TMPRSS11B: variants seen among roughly 807,000 people sequenced by gnomAD.
The protein encoded by TMPRSS11B is transmembrane serine protease 11B, also known as transmembrane protease serine 11B.
TMPRSS11B carries 53 observed loss-of-function variants against 44.7 expected under a neutral mutation model. The ratio of observed to expected loss-of-function variants is 1.19; its 90% confidence interval spans 0.95 to 1.49. TMPRSS11B has a LOEUF of 1.49. TMPRSS11B is among the 40% of genes most tolerant of loss of function. TMPRSS11B has a pLI of 0.00. For synonymous variants in TMPRSS11B, 140 were observed against 159.2 expected (o/e 0.88, Z 0.91); for missense variants, 526 against 494.8 (o/e 1.06, Z -0.60).
At chr4:68,245,502 A>C (rs778194870) in intron 1 of TMPRSS11B, 49 bp downstream of exon 1, 23 of 1,600,762 alleles carry the variant, frequency 1.4e-5, no homozygotes, top group Non-Finnish European at 2.0e-5. Flanking sequence ...ACTTAATGGC[A>C]ACTTGCTACA....
At position 68,234,487 on chromosome 4, in the gene TMPRSS11B, C is replaced by T. The variant is rs757463187; in HGVS notation, c.445G>A (p.Val149Ile). The change falls in exon 5 of 10, where the codon GTT (valine) becomes ATT (isoleucine). Residue 149 changes from valine to isoleucine, a missense_variant. Coordinates refer to ENST00000332644, the MANE Select transcript of TMPRSS11B (RefSeq NM_182502.3). ...LKNNMASWNAVPASIKLMEIS... is the reference protein window; with the variant it reads ...LKNNMASWNAIPASIKLMEIS... ...CCCATGAGTTTAATGGAAGCAGGAA[C>T]TGCATTCCAGGATGCCATGTTGTTT... The T allele has an allele frequency of 2.5e-6, 4 of 1,613,896 alleles. No homozygotes were observed. In the Admixed American group the frequency reaches 6.7e-5, roughly 27 times the overall value.
In TMPRSS11B at chr4:68,235,956, A is replaced by G. The variant is rs375985780; in HGVS notation, c.308+46T>C. The G allele has an allele frequency of 2.5e-6, 3 of 1,179,700 alleles. No homozygotes were observed. In the African/African-American group the frequency reaches 4.7e-5, roughly 18 times the overall value. 73.1% of individuals were successfully genotyped at this position (1,179,700 alleles called of 1,614,324 possible). On this transcript the variant is annotated intron_variant, in intron 4 of 9. Coordinates refer to ENST00000332644, the MANE Select transcript of TMPRSS11B (RefSeq NM_182502.3). ...ATCTAAAATCAAGGTTGTATGATATATCACCTACTTTCCTTTCATAAAATC... is the reference window on the plus strand; with the variant it reads ...ATCTAAAATCAAGGTTGTATGATATGTCACCTACTTTCCTTTCATAAAATC...
chr4:68,229,732 G>T, intron 7 of TMPRSS11B: 2 of 428,230 alleles, frequency 4.7e-6, no homozygotes, highest in African/African-American at 2.0e-5. Context: ...GCTTTCTGAA[G>T]ATCTTTTCAA....
intron 5 of TMPRSS11B, among the ~76,000 whole-genome samples, chr4:68,232,759 GC>G (rs1397329301): frequency 6.6e-6 from 1 of 152,156 alleles, no homozygotes; most frequent in Non-Finnish European, 1.5e-5. Context: ...TGCACAACGT[GC>G]AGGTTTGTGA....
intron 2 of TMPRSS11B, among the ~76,000 whole-genome samples, chr4:68,241,257 T>A (rs12512325): frequency 0.69 from 104,541 of 152,024 alleles, 38,119 homozygotes; most frequent in East Asian, 0.99. Context: ...CATTAAACCA[T>A]GCTTGACTAT....
intron 2 of TMPRSS11B, 150 bp from the exon 3 acceptor site, chr4:68,236,416 T>A: frequency 1.7e-6 from 1 of 585,918 alleles, no homozygotes. Flanking sequence ...GCCTTAACAT[T>A]TATACCTCTG....
chr4:68,245,272 C>T (rs1048029503), intron 1 of TMPRSS11B, among the ~76,000 whole-genome samples: 21 of 152,004 alleles, frequency 1.4e-4, no homozygotes, highest in African/African-American at 5.1e-4. Context: ...TAAAAGAAAT[C>T]TTATGCCTCA....
chr4:68,241,581 A>C (rs539709489), intron 2 of TMPRSS11B, 108 bp downstream of exon 2: 1 of 733,112 alleles, frequency 1.4e-6, no homozygotes, highest in African/African-American at 1.8e-5. Context: ...TAAAATAGTA[A>C]ATAAGAAAAC....
Position 68,229,306 on chromosome 4 carries a change from T to A in TMPRSS11B, c.897A>T (p.Ser299=), listed in dbSNP as rs780951433. Residue 299 remains serine, a synonymous_variant, in exon 8 of 10, where the codon TCA becomes TCT. Coordinates refer to ENST00000332644, the MANE Select transcript of TMPRSS11B (RefSeq NM_182502.3). The part of the protein sequence containing the change: ...ICLPEAKMKL[S]ENDNVVVTGW... Reference sequence around the variant, plus strand: ...CTGTAACTACAACATTGTCATTTTCTGAGAGCTTCATTTTGGCTTCAGGAA... The same window carrying A: ...CTGTAACTACAACATTGTCATTTTCAGAGAGCTTCATTTTGGCTTCAGGAA... 3 of 1,613,520 alleles carry A rather than the reference T, an allele frequency of 1.9e-6. No individual in the cohort carries two copies. Among genetic ancestry groups the A allele is most frequent in the Non-Finnish European group, 1.7e-6 (2 of 1,179,706 alleles).
chr4:68,228,596 T>G (rs1577974262), intron 9 of TMPRSS11B, 146 bp downstream of exon 9: 19 of 804,704 alleles, frequency 2.4e-5, no homozygotes, highest in Non-Finnish European at 1.9e-6. Context: ...TAGTGTCTGG[T>G]ACATAAATGG....
chr4:68,237,003 T>C (rs1315735102), intron 2 of TMPRSS11B, among the ~76,000 whole-genome samples: 1 of 151,680 alleles, frequency 6.6e-6, no homozygotes, highest in African/African-American at 2.4e-5. Flanking sequence ...ATTTGTCACA[T>C]AGGTATACAC....
intron 2 of TMPRSS11B, among the ~76,000 whole-genome samples, chr4:68,240,858 T>C (rs897784186): frequency 3.3e-5 from 5 of 152,086 alleles, no homozygotes; most frequent in Non-Finnish European, 5.9e-5. Flanking sequence ...TATTATTGTA[T>C]AGGGTTATAT....
intron 1 of TMPRSS11B, among the ~76,000 whole-genome samples, chr4:68,243,659 GT>G (rs1440821398): frequency 6.6e-6 from 1 of 152,008 alleles, no homozygotes; most frequent in Non-Finnish European, 1.5e-5. Flanking sequence ...TGGATAACAT[GT>G]TTCTTTTAAT....
intron 4 of TMPRSS11B, among the ~76,000 whole-genome samples, chr4:68,234,847 C>T (rs1379260830): frequency 1.3e-5 from 2 of 152,104 alleles, no homozygotes; most frequent in Non-Finnish European, 2.9e-5. Context: ...AGACCACAAA[C>T]TAAAATCAGA....
chr4:68,232,286 C>T, intron 6 of TMPRSS11B, 92 bp downstream of exon 6: 2 of 1,258,858 alleles, frequency 1.6e-6, no homozygotes, highest in Admixed American at 2.1e-5. Context: ...ATGGGATTTC[C>T]ACATGACATA....
At chr4:68,235,942 A>T in intron 4 of TMPRSS11B, 60 bp downstream of exon 4, 1 of 892,056 alleles carries the variant, frequency 1.1e-6, no homozygotes, top group Non-Finnish European at 1.6e-6. Flanking sequence ...TCTAAAATCA[A>T]GGTTGTATGA....
chr4:68,241,631 A>G lies in TMPRSS11B; in HGVS notation c.124+58T>C, dbSNP rs114760703. The G allele has an allele frequency of 1.4e-3, 1,549 of 1,104,924 alleles. 14 individuals carry two copies. The African/African-American group carries it at 0.021, about 15-fold the overall frequency. The allele number at this position is 1,104,924 out of a possible 1,614,324, so 68.4% of individuals were successfully genotyped here. On this transcript the variant is annotated intron_variant, in intron 2 of 9. Transcript: ENST00000332644. ...TTAATGTTCATGTTGTTTTTTTTCA[A>G]TTTTTAAAATTTAAAGATTTATAGC...
rs1719649036 is a variant in TMPRSS11B, at chr4:68,235,906, A to ATGT, written c.308+93_308+95dup. 4 of 523,444 alleles carry ATGT rather than the reference A, an allele frequency of 7.6e-6. No individual in the cohort carries two copies. The East Asian group carries it at 1.3e-4, about 17-fold the overall frequency. 32.4% of individuals were successfully genotyped at this position (523,444 alleles called of 1,614,324 possible). A position where few individuals can be genotyped will look rare whatever the true frequency, so the allele number is the denominator to read the frequency against. ...CTTTCCTTTGTTTCTCTTTTTCTTT[A>ATGT]TGTTTGTTTTTTGTTGTTATTGTTA... On this transcript the variant is annotated intron_variant, in intron 4 of 9. Transcript: ENST00000332644.
Position 68,236,021 on chromosome 4 carries a change from A to G in TMPRSS11B, c.289T>C (p.Ser97Pro). Residue 97 changes from serine (S) to proline (P), a missense_variant, in exon 4 of 10, where the codon TCT becomes CCT. Transcript: ENST00000332644. Reference sequence around the variant, plus strand: ...ACTTACAGAAGTTTGATGACCTCAGATTTGACATATTCCTTATATATACTG... The same window carrying G: ...ACTTACAGAAGTTTGATGACCTCAGGTTTGACATATTCCTTATATATACTG... Reference protein sequence around the residue: ...NSSIYKEYVKSEVIKLLPNAN... With the variant: ...NSSIYKEYVKPEVIKLLPNAN... 1 of 1,580,886 alleles carries G rather than the reference A, an allele frequency of 6.3e-7. No homozygotes were observed. Among genetic ancestry groups the G allele is most frequent in the Non-Finnish European group, 8.6e-7 (1 of 1,166,410 alleles).
Sources: gnomAD v4.1 joint callset for allele counts (sites outside exome capture counted in the v4.1 genomes callset) on GRCh38, gnomAD v4.1.1 for gene constraint, MANE v1.5 for transcripts, NCBI Gene and HGNC (gene_info 2026-07-23, HGNC 2026-07-21) for gene names.